The following LAMA3 variants were observed in gnomAD, a reference collection of about 807,000 sequenced individuals.
LAMA3 encodes laminin subunit alpha-3.
Under a neutral mutation model 402.0 loss-of-function variants are expected in LAMA3, and 281 were observed. The ratio of observed to expected loss-of-function variants is 0.70; its 90% CI spans 0.63 to 0.77. The LOEUF (loss-of-function observed/expected upper bound fraction) is 0.77, where lower values mean the gene tolerates loss of function less well. Among genes scored for constraint, LAMA3 ranks in the 30% least tolerant of loss-of-function variants. The pLI is 0.00. For missense variants in LAMA3, 3,840 were observed against 4,215.5 expected (o/e 0.91, Z 2.47); for synonymous variants, 1,431 against 1,558.4 (o/e 0.92, Z 1.93).
intron 44 of LAMA3, among the ~76,000 whole-genome samples, chr18:23,896,930 C>T (rs555838060): frequency 1.3e-5 from 2 of 152,190 alleles, no homozygotes; most frequent in African/African-American, 4.8e-5. Context: ...AAAGAGCCTG[C>T]AAACATTGTT....
chr18:23,919,390 G>A (rs189694531), intron 60 of LAMA3, among the ~76,000 whole-genome samples: 237 of 152,342 alleles, frequency 1.6e-3, no homozygotes, highest in Non-Finnish European at 2.5e-3. Flanking sequence ...GTTTCACACC[G>A]TAATGGAGAT....
intron 32 of LAMA3, among the ~76,000 whole-genome samples, chr18:23,851,633 A>G (rs752548321): frequency 2.0e-5 from 3 of 152,126 alleles, no homozygotes; most frequent in East Asian, 1.9e-4. Flanking sequence ...TCCTCCCTCT[A>G]TGGTTTGTCC....
chr18:23,761,028 A>G (rs2061957200), intron 7 of LAMA3, among the ~76,000 whole-genome samples: 1 of 152,214 alleles, frequency 6.6e-6, no homozygotes, highest in African/African-American at 2.4e-5. Flanking sequence ...GGACCATAGC[A>G]GAGAGCTACT....
intron 2 of LAMA3, among the ~76,000 whole-genome samples, chr18:23,720,271 G>C (rs2061186167): frequency 6.6e-6 from 1 of 152,094 alleles, no homozygotes; most frequent in Admixed American, 6.5e-5. Context: ...CATTTTAAGA[G>C]TATTTTATAG....
At chr18:23,834,095 A>G (rs1346168346) in intron 24 of LAMA3, 107 bp downstream of exon 24, 1 of 1,327,648 alleles carries the variant, frequency 7.5e-7, no homozygotes, top group East Asian at 2.3e-5. Flanking sequence ...TTTTTGAGGC[A>G]GCTCTTGAAA....
At chr18:23,761,442 G>A (rs1398604122) in intron 7 of LAMA3, among the ~76,000 whole-genome samples, 1 of 152,200 alleles carries the variant, frequency 6.6e-6, no homozygotes, top group Non-Finnish European at 1.5e-5. Context: ...GTCAAACAAA[G>A]ACAGGTTGGA....
At chr18:23,923,297 G>A (rs1179114436) in intron 62 of LAMA3, among the ~76,000 whole-genome samples, 1 of 152,236 alleles carries the variant, frequency 6.6e-6, no homozygotes, top group African/African-American at 2.4e-5. Flanking sequence ...GCAGAGACTG[G>A]ATTAGAGAAG....
chr18:23,712,309 G>T (rs2061005944), intron 1 of LAMA3, among the ~76,000 whole-genome samples: 1 of 151,610 alleles, frequency 6.6e-6, no homozygotes, highest in African/African-American at 2.4e-5. Context: ...GAACCTGGGG[G>T]CGGAGGTTGC....
chr18:23,813,186 C>G (rs1041307833), intron 14 of LAMA3, 83 bp downstream of exon 14: 1 of 947,788 alleles, frequency 1.1e-6, no homozygotes, highest in Non-Finnish European at 1.7e-6. Context: ...TGGGCACTTC[C>G]AGAAATTAAA....
At chr18:23,857,179 C>T (rs1411897526) in intron 32 of LAMA3, among the ~76,000 whole-genome samples, 1 of 152,198 alleles carries the variant, frequency 6.6e-6, no homozygotes, top group African/African-American at 2.4e-5. Context: ...TGGTGTGTCT[C>T]ATATGGTCAG....
chr18:23,808,768 G>A (rs1323546991), intron 12 of LAMA3, among the ~76,000 whole-genome samples: 1 of 152,190 alleles, frequency 6.6e-6, no homozygotes, highest in African/African-American at 2.4e-5. Flanking sequence ...AGCACTTTCA[G>A]AGAAATTCAC....
chr18:23,709,785 CTTTT>C, intron 1 of LAMA3: 1 of 602,290 alleles, frequency 1.7e-6, no homozygotes, highest in Non-Finnish European at 3.1e-6. Flanking sequence ...TTCTTTCTTT[CTTTT>C]TTTCTGGTGA....
chr18:23,747,846 G>A (rs2061678097), intron 2 of LAMA3, 97 bp from the exon 3 acceptor site: 1 of 783,740 alleles, frequency 1.3e-6, no homozygotes, highest in Non-Finnish European at 2.3e-6. Context: ...GGATTGTGGT[G>A]GGACGTGTTG....
At chr18:23,952,790 A>C (rs1241621388) in intron 73 of LAMA3, among the ~76,000 whole-genome samples, 200 bp from the exon 74 acceptor site, 1 of 152,210 alleles carries the variant, frequency 6.6e-6, no homozygotes, top group Admixed American at 6.5e-5. Flanking sequence ...GATTCATTTT[A>C]AGGGTAAAAT....
At chr18:23,845,919 C>T (rs1275044158) in intron 30 of LAMA3, among the ~76,000 whole-genome samples, 2 of 152,124 alleles carry the variant, frequency 1.3e-5, no homozygotes, top group East Asian at 1.9e-4. Flanking sequence ...TGAATGATAG[C>T]GATTCTCCTC....
rs2063535336 is a variant in LAMA3, at chr18:23,833,970, T to C, written c.2966T>C (p.Ile989Thr). Residue 989 changes from isoleucine (I) to threonine (T), a missense_variant, in exon 24 of 75, where the codon ATT becomes ACT. Coordinates refer to ENST00000313654, the MANE Select transcript of LAMA3 (RefSeq NM_198129.4). ...TCTGTTCTGGCAGGCCAGGTGAACA[T>C]TTACAGCTGCAACTACAGGTACTCA... Reference protein sequence around the residue: ...SGSVLAGQVNIYSCNYSVLCR... With the variant: ...SGSVLAGQVNTYSCNYSVLCR... 2 of 1,614,220 alleles carry C rather than the reference T, an allele frequency of 1.2e-6. No individual in the cohort carries two copies. The highest frequency in any genetic ancestry group is 4.5e-5 in the East Asian group (2 of 44,888).
intron 36 of LAMA3, among the ~76,000 whole-genome samples, chr18:23,865,866 G>T (rs2064344391): frequency 6.6e-6 from 1 of 152,214 alleles, no homozygotes; most frequent in African/African-American, 2.4e-5. Flanking sequence ...TGTGTGCAGA[G>T]TCATTGAAAA....
chr18:23,786,981 G>A (rs931736020), intron 12 of LAMA3, among the ~76,000 whole-genome samples: 5 of 152,250 alleles, frequency 3.3e-5, no homozygotes, highest in African/African-American at 1.2e-4. Context: ...AAGAAAAAAA[G>A]AATGAAAATA....
At chr18:23,842,559 G>A in intron 28 of LAMA3, 38 bp downstream of exon 28, 1 of 1,614,212 alleles carries the variant, frequency 6.2e-7, no homozygotes, top group Non-Finnish European at 8.5e-7. Context: ...CCTGCCTCAG[G>A]CTGAATCTAC....
Sources: gnomAD v4.1 joint callset for allele counts (sites outside exome capture counted in the v4.1 genomes callset) on GRCh38, gnomAD v4.1.1 for gene constraint, MANE v1.5 for transcripts, NCBI Gene and HGNC (gene_info 2026-07-23, HGNC 2026-07-21) for gene names.